Variants in SMOC2 observed in about 807,000 individuals in gnomAD.
The protein encoded by SMOC2 is SPARC related modular calcium binding 2.
Under a neutral mutation model 61.4 loss-of-function variants are expected in SMOC2, and 39 were observed. The ratio of observed to expected loss-of-function variants is 0.64; its 90% confidence interval spans 0.49 to 0.83. The LOEUF is 0.83. SMOC2 is among the 40% of genes least tolerant of loss of function. The pLI, the probability that SMOC2 is intolerant of heterozygous loss-of-function variation, is 0.00. For missense variants in SMOC2, 556 were observed against 592.9 expected (o/e 0.94, Z 0.65); for synonymous variants, 247 against 239.9 (o/e 1.03, Z -0.27).
rs201971776 is a variant in SMOC2, at chr6:168,581,311, T to TA, written c.638-17497dup. Among the ~76,000 whole-genome samples the TA allele has an allele frequency of 5.7e-4, 86 of 149,928 alleles. 1 individual carries two copies. Among genetic ancestry groups the TA allele is most frequent in the African/African-American group, 2.0e-3 (80 of 41,006 alleles). On this transcript the variant is annotated intron_variant, in intron 7 of 12. Transcript: ENST00000356284. ...CGTAAAAATTAAGTAAAATCAATTC[T>TA]AAAAAAAAAATGAAAACCCCTACGG...
chr6:168,633,436 C>G (rs4142311), intron 9 of SMOC2, among the ~76,000 whole-genome samples: 1 of 151,982 alleles, frequency 6.6e-6, no homozygotes, highest in African/African-American at 2.4e-5. Context: ...CGCTGCACAC[C>G]GGCTTTGCCA....
intron 1 of SMOC2, among the ~76,000 whole-genome samples, chr6:168,443,474 C>A (rs1583020926): frequency 6.6e-6 from 1 of 152,136 alleles, no homozygotes; most frequent in East Asian, 1.9e-4. Context: ...TCCCCAAGAA[C>A]AGTTTGCCTG....
chr6:168,600,818 C>T (rs1024043181), intron 8 of SMOC2, among the ~76,000 whole-genome samples: 4 of 152,148 alleles, frequency 2.6e-5, no homozygotes, highest in Non-Finnish European at 2.9e-5. Flanking sequence ...GAAAGTTATT[C>T]GAGGGCCTGA....
rs1029607912 is a variant in SMOC2 at position 168,664,122 on chromosome 6, T to G, written c.1323+11T>G. 2 of 1,597,760 alleles carry G rather than the reference T, an allele frequency of 1.3e-6. No individual in the cohort carries two copies. Among genetic ancestry groups the G allele is most frequent in the Non-Finnish European group, 1.7e-6 (2 of 1,171,426 alleles). ...ACGTCTAATAGACAGGTAAGTATGT[T>G]TATATTTTACTCTTAACCATTTCGT... is the stretch of plus-strand genomic sequence containing the variant. On this transcript the variant is annotated intron_variant, in intron 12 of 12. Transcript: ENST00000356284.
At position 168,452,812 on chromosome 6, in the gene SMOC2, A is replaced by G. The variant is rs984286803; in HGVS notation, c.84+11358A>G. On this transcript the variant is annotated intron_variant, in intron 1 of 12. Transcript: ENST00000356284. The surrounding 1 kb of genome is among the most constrained non-coding windows in gnomAD (Gnocchi z 5.0). The stretch of plus-strand genomic sequence containing the variant: ...GGTTGTCTGGCCAACTTTATTCTAG[A>G]AGGCAGCAGGAAGGAGGGCAGCCCG... Among the ~76,000 whole-genome samples, 5 of 152,192 alleles carry G rather than the reference A, an allele frequency of 3.3e-5. No homozygotes were observed. The highest frequency in any genetic ancestry group is 7.3e-5 in the Non-Finnish European group (5 of 68,030).
At chr6:168,595,713 T>C (rs569929823) in intron 7 of SMOC2, among the ~76,000 whole-genome samples, 1 of 152,370 alleles carries the variant, frequency 6.6e-6, no homozygotes, top group East Asian at 1.9e-4. Context: ...CCACGATGTT[T>C]ATATAAACAT....
intron 9 of SMOC2, among the ~76,000 whole-genome samples, chr6:168,621,446 A>G (rs1181627128): frequency 6.6e-6 from 1 of 152,238 alleles, no homozygotes; most frequent in Non-Finnish European, 1.5e-5. Context: ...GCTCTTTAAA[A>G]ATGTATTTGA....
intron 2 of SMOC2, among the ~76,000 whole-genome samples, chr6:168,518,601 TCATGTGTGTG>T (rs1455713534): frequency 6.9e-6 from 1 of 145,024 alleles, no homozygotes; most frequent in African/African-American, 2.6e-5. Context: ...GAATGTGTGT[TCATGTGTGTG>T]CATGTATGAC....
At chr6:168,517,075 C>A (rs771595892) in intron 2 of SMOC2, among the ~76,000 whole-genome samples, 10 of 152,192 alleles carry the variant, frequency 6.6e-5, no homozygotes, top group Non-Finnish European at 1.3e-4. Flanking sequence ...AGGAATCTAA[C>A]TGTTGGTTTT....
At chr6:168,656,523 A>G (rs1787326965) in intron 11 of SMOC2, among the ~76,000 whole-genome samples, 1 of 145,600 alleles carries the variant, frequency 6.9e-6, no homozygotes, top group Non-Finnish European at 1.5e-5. Context: ...AAAAAAAAAA[A>G]AAAAAAAGAA....
Position 168,444,069 on chromosome 6 carries a change from A to G in SMOC2, c.84+2615A>G, listed in dbSNP as rs142380264. ...CAATTGATACCGTAATTATCAATGC[A>G]TATAGCGTTGTGGCATTAAGGTGTG... On this transcript the variant is annotated intron_variant, in intron 1 of 12. Transcript: ENST00000356284. Among the ~76,000 whole-genome samples, 846 of 152,356 alleles carry G rather than the reference A, an allele frequency of 5.6e-3. 7 individuals are homozygous for G. The highest frequency in any genetic ancestry group is 0.018 in the African/African-American group (764 of 41,576).
At chr6:168,548,076 G>A (rs985960260) in intron 6 of SMOC2, among the ~76,000 whole-genome samples, 33 of 152,158 alleles carry the variant, frequency 2.2e-4, no homozygotes, top group Non-Finnish European at 4.6e-4. Flanking sequence ...AAAGTGTAAG[G>A]AGTACACAGT....
intron 1 of SMOC2, among the ~76,000 whole-genome samples, chr6:168,483,408 A>G (rs1323733576): frequency 1.3e-5 from 2 of 152,138 alleles, no homozygotes; most frequent in African/African-American, 2.4e-5. Flanking sequence ...AATAAAAATT[A>G]TAAAACATTG....
intron 7 of SMOC2, among the ~76,000 whole-genome samples, chr6:168,551,447 A>G (rs928551762): frequency 1.3e-5 from 2 of 150,596 alleles, no homozygotes. Context: ...TTATTTATTT[A>G]TTTATTTATT....
intron 9 of SMOC2, among the ~76,000 whole-genome samples, chr6:168,616,062 C>A (rs899272525): frequency 6.6e-6 from 1 of 152,184 alleles, no homozygotes; most frequent in Non-Finnish European, 1.5e-5. Flanking sequence ...ACAAAGCAGA[C>A]AGGAGCCGGC....
At chr6:168,612,252 A>C (rs1785895141) in intron 9 of SMOC2, among the ~76,000 whole-genome samples, 1 of 138,850 alleles carries the variant, frequency 7.2e-6, no homozygotes, top group Non-Finnish European at 1.6e-5. Context: ...CTCAAACAGC[A>C]GCGCTGGGTT....
chr6:168,573,081 C>T (rs1223721924), intron 7 of SMOC2, among the ~76,000 whole-genome samples: 1 of 70,174 alleles, frequency 1.4e-5, no homozygotes, highest in Non-Finnish European at 2.6e-5. Context: ...GGGCTGCGTG[C>T]TCCTTGGACG....
intron 9 of SMOC2, among the ~76,000 whole-genome samples, chr6:168,612,094 C>T (rs1471978377): frequency 6.6e-6 from 1 of 152,228 alleles, no homozygotes; most frequent in Admixed American, 6.5e-5. Context: ...CTTTGACTTA[C>T]TAGCCATGTG....
intron 7 of SMOC2, among the ~76,000 whole-genome samples, chr6:168,560,463 G>A (rs1197707259): frequency 6.6e-6 from 1 of 152,204 alleles, no homozygotes; most frequent in African/African-American, 2.4e-5. Flanking sequence ...AATAACTGAA[G>A]AAGAATGCGT....
Sources: gnomAD v4.1 joint callset for allele counts (sites outside exome capture counted in the v4.1 genomes callset) on GRCh38, gnomAD v4.1.1 for gene constraint, Gnocchi (gnomAD v3.1) non-coding constraint, MANE v1.5 for transcripts, NCBI Gene and HGNC (gene_info 2026-07-23, HGNC 2026-07-21) for gene names.